Variants in RBMS2 observed in about 807,000 individuals in gnomAD.
RBMS2 encodes the protein RNA-binding motif, single-stranded-interacting protein 2.
Under a neutral mutation model 58.4 loss-of-function variants are expected in RBMS2, and 38 were observed. The ratio of observed to expected loss-of-function variants is 0.65; its 90% CI spans 0.50 to 0.85. The LOEUF is 0.85. Ranked by LOEUF, RBMS2 falls within the 40% of genes least tolerant of loss-of-function variation. RBMS2 has a pLI of 0.00. For missense variants in RBMS2, 367 were observed against 503.7 expected (o/e 0.73, Z 2.60); for synonymous variants, 151 against 180.7 (o/e 0.84, Z 1.32).
chr12:56,531,315 C>A (rs1229519866), intron 1 of RBMS2, among the ~76,000 whole-genome samples: 1 of 151,974 alleles, frequency 6.6e-6, no homozygotes. Flanking sequence ...TAAGCTATCA[C>A]ATTTAGTGCC....
intron 1 of RBMS2, among the ~76,000 whole-genome samples, chr12:56,556,731 AT>A: frequency 6.6e-6 from 1 of 152,132 alleles, no homozygotes; most frequent in Non-Finnish European, 1.5e-5. Context: ...ATTCTGAACT[AT>A]ATTTAAGGCC....
At chr12:56,572,725 G>C in intron 5 of RBMS2, 1 of 951,820 alleles carries the variant, frequency 1.1e-6, no homozygotes, top group Non-Finnish European at 1.3e-6. Flanking sequence ...TGTTAGAGCA[G>C]AGCCCTGATC....
chr12:56,537,373 C>A (rs1875105890), intron 1 of RBMS2, among the ~76,000 whole-genome samples: 1 of 152,206 alleles, frequency 6.6e-6, no homozygotes, highest in African/African-American at 2.4e-5. Context: ...CAGCCTCTGG[C>A]AACCACTGTT....
intron 1 of RBMS2, among the ~76,000 whole-genome samples, chr12:56,556,824 C>A (rs1318446463): frequency 1.3e-5 from 2 of 152,150 alleles, no homozygotes; most frequent in Non-Finnish European, 1.5e-5. Flanking sequence ...GCTGAGAAGG[C>A]AGCTCATTCA....
chr12:56,531,473 T>C (rs2136252802), intron 1 of RBMS2, among the ~76,000 whole-genome samples: 1 of 152,316 alleles, frequency 6.6e-6, no homozygotes, highest in East Asian at 1.9e-4. Flanking sequence ...TTGTCACATA[T>C]TAGCTGTGTG....
intron 9 of RBMS2, among the ~76,000 whole-genome samples, chr12:56,584,431 CAAAA>C (rs1209646153): frequency 1.1e-5 from 1 of 87,630 alleles, no homozygotes; most frequent in Non-Finnish European, 2.4e-5. Context: ...GACCATGTCT[CAAAA>C]AAAAAAAAAA....
chr12:56,571,909 G>A, intron 5 of RBMS2, 54 bp downstream of exon 5: 2 of 1,384,988 alleles, frequency 1.4e-6, no homozygotes, highest in Non-Finnish European at 1.9e-6. Flanking sequence ...TGTCACTTGG[G>A]GGTCACCAGA....
At chr12:56,560,268 T>C (rs1234520440) in intron 1 of RBMS2, among the ~76,000 whole-genome samples, 1 of 151,730 alleles carries the variant, frequency 6.6e-6, no homozygotes, top group Non-Finnish European at 1.5e-5. Flanking sequence ...TAATTTTTTT[T>C]TTTTTTGAGA....
At chr12:56,528,285 A>C (rs1162215260) in intron 1 of RBMS2, among the ~76,000 whole-genome samples, 6 of 152,054 alleles carry the variant, frequency 3.9e-5, no homozygotes. Context: ...CAAATCATAA[A>C]ATTATAATGC....
Position 56,581,441 on chromosome 12 carries a change from C to T in RBMS2, c.665C>T (p.Pro222Leu). 6.2e-7 allele frequency: 1 copy of T among 1,614,126 alleles called. No homozygotes were observed. The highest frequency in any genetic ancestry group is 8.5e-7 in the Non-Finnish European group (1 of 1,180,026). Residue 222 changes from proline to leucine, a missense_variant, in exon 7 of 14, where the codon CCA becomes CTA. Pro to Leu is a moderately conservative substitution (Grantham distance 98, BLOSUM62 -3). Coordinates refer to ENST00000262031, the MANE Select transcript of RBMS2 (RefSeq NM_002898.4). ...PLLCKFADGG[P>L]KKRQNQGKFV... Reference sequence around the variant, plus strand: ...CTTTGCAAATTTGCTGATGGCGGGCCAAAGAAACGACAGAACCAAGGAAAA... The same window carrying T: ...CTTTGCAAATTTGCTGATGGCGGGCTAAAGAAACGACAGAACCAAGGAAAA...
chr12:56,533,623 C>T (rs1479904241), intron 1 of RBMS2, among the ~76,000 whole-genome samples: 1 of 151,488 alleles, frequency 6.6e-6, no homozygotes, highest in Non-Finnish European at 1.5e-5. Flanking sequence ...ACCATGTTGA[C>T]CAGGTTGGTC....
intron 1 of RBMS2, among the ~76,000 whole-genome samples, chr12:56,552,446 C>A (rs1270727475): frequency 6.6e-6 from 1 of 152,174 alleles, no homozygotes; most frequent in African/African-American, 2.4e-5. Context: ...TGTGAAGACA[C>A]CCGTGTGGAA....
chr12:56,536,347 C>T (rs1188091036), intron 1 of RBMS2, among the ~76,000 whole-genome samples: 1 of 151,942 alleles, frequency 6.6e-6, no homozygotes, highest in Non-Finnish European at 1.5e-5. Context: ...TGTTCTTGAA[C>T]TCCTGGACTC....
intron 1 of RBMS2, among the ~76,000 whole-genome samples, chr12:56,547,516 A>G (rs572213628): frequency 6.6e-5 from 10 of 152,222 alleles, no homozygotes; most frequent in African/African-American, 2.4e-4. Flanking sequence ...TTAAAAAAAT[A>G]ATTAATTATT....
intron 1 of RBMS2, among the ~76,000 whole-genome samples, chr12:56,542,350 C>T (rs1193678565): frequency 2.6e-5 from 4 of 151,966 alleles, no homozygotes; most frequent in African/African-American, 9.7e-5. Context: ...CAGGCATGAG[C>T]CACCGCACCT....
intron 4 of RBMS2, 91 bp from the exon 5 acceptor site, chr12:56,571,607 T>G: frequency 1.5e-6 from 2 of 1,354,944 alleles, no homozygotes; most frequent in Non-Finnish European, 2.0e-6. Flanking sequence ...CTTCCTATAG[T>G]CTCTTTTCTG....
At chr12:56,581,647 C>A in intron 7 of RBMS2, 139 bp downstream of exon 7, 1 of 1,141,242 alleles carries the variant, frequency 8.8e-7, no homozygotes, top group Non-Finnish European at 1.3e-6. Flanking sequence ...TGTGAACATA[C>A]TGCCAGTTTG....
chr12:56,548,412 A>G (rs1877653394), intron 1 of RBMS2, among the ~76,000 whole-genome samples: 1 of 150,142 alleles, frequency 6.7e-6, no homozygotes, highest in Non-Finnish European at 1.5e-5. Context: ...GTGCCACTGC[A>G]CTCCAGCCTG....
At chr12:56,577,111 T>A (rs1337594559) in intron 5 of RBMS2, among the ~76,000 whole-genome samples, 1 of 148,100 alleles carries the variant, frequency 6.8e-6, no homozygotes, top group Non-Finnish European at 1.5e-5. Context: ...TATATTAAAA[T>A]GTTCATACAA....
Sources: allele counts gnomAD v4.1 joint callset (sites outside exome capture counted in the v4.1 genomes callset), GRCh38; gene constraint gnomAD v4.1.1; transcripts MANE v1.5; gene names NCBI Gene and HGNC (gene_info 2026-07-23, HGNC 2026-07-21).